The following CDK6 variants were observed in gnomAD, a reference collection of about 807,000 sequenced individuals.
CDK6 encodes the protein cyclin-dependent kinase 6.
Under a neutral mutation model 37.1 loss-of-function variants are expected in CDK6, and 6 were observed. The observed-to-expected ratio is 0.16, with a 90% CI of 0.09 to 0.32. CDK6 has a LOEUF of 0.32. Ranked by LOEUF, CDK6 falls within the 10% of genes least tolerant of loss-of-function variation. The pLI is 1.00. For missense variants in CDK6, 224 were observed against 418.9 expected (o/e 0.53, Z 4.06); for synonymous variants, 160 against 161.3 (o/e 0.99, Z 0.06).
chr7:92,807,297 GTATATC>G (rs1396026969), intron 2 of CDK6, among the ~76,000 whole-genome samples: 1 of 151,926 alleles, frequency 6.6e-6, no homozygotes, highest in Non-Finnish European at 1.5e-5. Flanking sequence ...ATGGAGACAT[GTATATC>G]TATATCTAGA....
chr7:92,647,005 T>C (rs998552890), intron 5 of CDK6, among the ~76,000 whole-genome samples: 7 of 152,138 alleles, frequency 4.6e-5, no homozygotes, highest in African/African-American at 1.7e-4. Context: ...AAGAGAAACA[T>C]GGGAAAACTG....
At chr7:92,632,285 A>G (rs145785195) in intron 5 of CDK6, among the ~76,000 whole-genome samples, 2 of 152,282 alleles carry the variant, frequency 1.3e-5, no homozygotes, top group African/African-American at 4.8e-5. Flanking sequence ...CTGAAATGGA[A>G]GTGTCTGTTG....
intron 2 of CDK6, among the ~76,000 whole-genome samples, chr7:92,826,629 A>G (rs941845988): frequency 2.0e-5 from 3 of 152,182 alleles, no homozygotes; most frequent in African/African-American, 7.2e-5. Flanking sequence ...TATCCTGTCA[A>G]AGCCAAAGCA....
chr7:92,716,848 C>T (rs1798239666), intron 4 of CDK6, among the ~76,000 whole-genome samples: 1 of 152,102 alleles, frequency 6.6e-6, no homozygotes. Flanking sequence ...CAGAGAAGCC[C>T]CTAAACTAGC....
Position 92,641,547 on chromosome 7 carries a change from C to T in CDK6, c.648-18461G>A, listed in dbSNP as rs780591131. Among the ~76,000 whole-genome samples the T allele has an allele frequency of 7.9e-5, 12 of 152,256 alleles. No homozygotes were observed. In the South Asian group the frequency reaches 1.0e-3, roughly 13 times the overall value. On this transcript the variant is annotated intron_variant, in intron 5 of 7. Transcript: ENST00000424848. ...TAACAAGATACTATAGACTTATACT[C>T]TTTACTCGTATTTTAAAAGCTCTAC...
intron 5 of CDK6, among the ~76,000 whole-genome samples, chr7:92,646,838 A>C (rs1385881110): frequency 6.6e-6 from 1 of 152,198 alleles, no homozygotes; most frequent in African/African-American, 2.4e-5. Flanking sequence ...CTACCAAAGG[A>C]ATAATGCTAG....
intron 3 of CDK6, among the ~76,000 whole-genome samples, chr7:92,734,610 C>A (rs1360088772): frequency 1.3e-5 from 2 of 152,094 alleles, no homozygotes; most frequent in African/African-American, 2.4e-5. Flanking sequence ...GAAGTGAGGG[C>A]CCAAACAAAA....
At chr7:92,685,784 T>A (rs189841045) in intron 4 of CDK6, among the ~76,000 whole-genome samples, 1 of 152,338 alleles carries the variant, frequency 6.6e-6, no homozygotes. Context: ...AGCATGACAA[T>A]GAAGTTCCCT....
rs969947156 is a variant in CDK6, at chr7:92,614,073, A to G, written c.*1067T>C. 49 of 233,136 alleles carry G rather than the reference A, an allele frequency of 2.1e-4. No homozygotes were observed. In the Admixed American group the frequency reaches 2.7e-3, roughly 13 times the overall value. The allele number at this position is 233,136 out of a possible 1,614,324, so 14.4% of individuals were successfully genotyped here. The stretch of plus-strand genomic sequence containing the variant: ...CAGTGTGTGGCAGAAAGTACAGTGT[A>G]ATAGATGAGGAAAATTTCAAGGCCA... On this transcript the variant is annotated 3_prime_UTR_variant, in exon 8 of 8. Transcript: ENST00000424848.
intron 3 of CDK6, among the ~76,000 whole-genome samples, chr7:92,758,641 T>C (rs1799376984): frequency 1.3e-5 from 2 of 152,236 alleles, no homozygotes; most frequent in Non-Finnish European, 1.5e-5. Context: ...CATATGAATT[T>C]GAAAATAGTT....
At position 92,669,962 on chromosome 7, in the gene CDK6, T is replaced by C. The variant is rs186278434; in HGVS notation, c.647+1464A>G. 1.6e-4 allele frequency among the ~76,000 whole-genome samples: 24 copies of C among 152,336 alleles called. No individual in the cohort carries two copies. The East Asian group carries it at 4.2e-3, about 27-fold the overall frequency. On this transcript the variant is annotated intron_variant, in intron 5 of 7. Coordinates refer to ENST00000424848, the MANE Select transcript of CDK6 (RefSeq NM_001145306.2). ...GCATTTCCAGCAAGGTGCCTGGTGA[T>C]GCTGAGGTTCCTGGTTCAGGGACCA...
chr7:92,729,739 C>G (rs1030025975), intron 3 of CDK6, among the ~76,000 whole-genome samples: 2 of 152,026 alleles, frequency 1.3e-5, no homozygotes, highest in African/African-American at 4.8e-5. Flanking sequence ...GATCATGGGG[C>G]CTTCTTTTCT....
intron 4 of CDK6, among the ~76,000 whole-genome samples, chr7:92,721,281 C>G (rs1394901424): frequency 6.6e-6 from 1 of 152,122 alleles, no homozygotes; most frequent in East Asian, 1.9e-4. Context: ...GAAGGATGAG[C>G]CCATGCCCTT....
In CDK6 at chr7:92,833,367, G is replaced by A. The variant is rs1801544886; in HGVS notation, c.-44C>T. The A allele has an allele frequency of 1.4e-6, 2 of 1,428,874 alleles. No individual in the cohort carries two copies. Among genetic ancestry groups the A allele is most frequent in the Non-Finnish European group, 1.9e-6 (2 of 1,059,046 alleles). 88.5% of individuals were successfully genotyped at this position (1,428,874 alleles called of 1,614,324 possible). ...GCCGCGGCGCCGCTGGGGCGGGCGG[G>A]GGGTGCGCTCAACTAGCTGGCGGCC... On this transcript the variant is annotated 5_prime_UTR_variant, in exon 2 of 8. Coordinates refer to ENST00000424848, the MANE Select transcript of CDK6 (RefSeq NM_001145306.2). This position sits in a 1 kb window ranked among gnomAD's most constrained non-coding sequence, Gnocchi z 6.1.
At chr7:92,667,066 G>T (rs899434809) in intron 5 of CDK6, among the ~76,000 whole-genome samples, 1 of 151,842 alleles carries the variant, frequency 6.6e-6, no homozygotes, top group African/African-American at 2.4e-5. Context: ...ATTCTGTGTA[G>T]GTCTGGGCTA....
At chr7:92,628,747 T>C (rs1048956840) in intron 5 of CDK6, among the ~76,000 whole-genome samples, 1 of 152,132 alleles carries the variant, frequency 6.6e-6, no homozygotes, top group Non-Finnish European at 1.5e-5. Flanking sequence ...TGCTTTAATC[T>C]GCCTGTGGCA....
rs145176462 is a variant in CDK6 at position 92,762,866 on chromosome 7, C to T, written c.369+11830G>A. 1.3e-3 allele frequency among the ~76,000 whole-genome samples: 196 copies of T among 152,254 alleles called. 1 individual carries two copies. Among genetic ancestry groups the T allele is most frequent in the African/African-American group, 4.5e-3 (189 of 41,554 alleles). On this transcript the variant is annotated intron_variant, in intron 3 of 7. Coordinates refer to ENST00000424848, the MANE Select transcript of CDK6 (RefSeq NM_001145306.2). The stretch of plus-strand genomic sequence containing the variant: ...GATTACAGGCGTGAGCCACCGCGCC[C>T]GGCCTAGAACATCTTAAATTGAGGA...
At chr7:92,809,702 A>C (rs1800822416) in intron 2 of CDK6, among the ~76,000 whole-genome samples, 1 of 152,228 alleles carries the variant, frequency 6.6e-6, no homozygotes, top group African/African-American at 2.4e-5. Context: ...AAAGTATCTA[A>C]TCCAGTGTGA....
rs1214835416 is a variant in CDK6 at position 92,611,962 on chromosome 7, C to G, written c.*3178G>C. 1 of 232,952 alleles carries G rather than the reference C, an allele frequency of 4.3e-6. No individual in the cohort carries two copies. The allele number at this position is 232,952 out of a possible 1,614,324, so 14.4% of individuals were successfully genotyped here. A position where few individuals can be genotyped will look rare whatever the true frequency, so the allele number is the denominator to read the frequency against. ...GGTTCTTTGCACCTTGAGTTCCCAT[C>G]CACTTCAAAGGAGGGACAAAGTGGG... is the stretch of plus-strand genomic sequence containing the variant. On this transcript the variant is annotated 3_prime_UTR_variant, in exon 8 of 8. Coordinates refer to ENST00000424848, the MANE Select transcript of CDK6 (RefSeq NM_001145306.2).
Sources: allele counts gnomAD v4.1 joint callset (sites outside exome capture counted in the v4.1 genomes callset), GRCh38; gene constraint gnomAD v4.1.1; non-coding constraint Gnocchi (gnomAD v3.1); transcripts MANE v1.5; gene names NCBI Gene and HGNC (gene_info 2026-07-23, HGNC 2026-07-21).